The following ST6GAL2 variants were observed in gnomAD, a reference collection of about 807,000 sequenced individuals.
ST6GAL2 encodes ST6 beta-galactoside alpha-2,6-sialyltransferase 2.
ST6GAL2 carries 24 observed loss-of-function variants against 37.5 expected under a neutral mutation model. That is an observed-to-expected ratio of 0.64 (90% CI 0.46 to 0.90). ST6GAL2 has a LOEUF of 0.90. Among genes scored for constraint, ST6GAL2 ranks in the 40% least tolerant of loss-of-function variants. ST6GAL2 has a pLI of 0.00. For synonymous variants in ST6GAL2, 306 were observed against 295.1 expected (o/e 1.04, Z -0.38); for missense variants, 715 against 712.7 (o/e 1.00, Z -0.04).
chr2:106,865,495 C>T (rs1306259637), intron 1 of ST6GAL2, among the ~76,000 whole-genome samples: 1 of 152,220 alleles, frequency 6.6e-6, no homozygotes, highest in Non-Finnish European at 1.5e-5. Context: ...AGAAAGAAAG[C>T]TGTACAGTGC....
At position 106,804,956 on chromosome 2, in the gene ST6GAL2, TTAA is replaced by T. The variant is rs1449883938; in HGVS notation, c.*1719_*1721del. On this transcript the variant is annotated 3_prime_UTR_variant, in exon 6 of 6. Transcript: ENST00000409382. ...AAGTTACCTATCCCTTCTCATTGAC[TTAA>T]TAACAAAACTCTCAAAATGGGCTTT... The T allele has an allele frequency of 6.6e-6, 1 of 152,214 alleles. No homozygotes were observed. The highest frequency in any genetic ancestry group is 1.5e-5 in the Non-Finnish European group (1 of 68,026). 9.4% of individuals were successfully genotyped at this position (152,214 alleles called of 1,614,324 possible).
chr2:106,849,614 T>C (rs1217049696), intron 1 of ST6GAL2, among the ~76,000 whole-genome samples: 1 of 152,238 alleles, frequency 6.6e-6, no homozygotes, highest in Non-Finnish European at 1.5e-5. Flanking sequence ...TTTCCCCTTC[T>C]AGGCCTTTCC....
rs987197129 is a variant in ST6GAL2 at position 106,810,638 on chromosome 2, GA to G, written c.1319-3690del. Among the ~76,000 whole-genome samples the G allele has an allele frequency of 1.6e-4, 24 of 152,260 alleles. 1 individual carries two copies. The highest frequency in any genetic ancestry group is 3.4e-3 in the Middle Eastern group (1 of 294). On this transcript the variant is annotated intron_variant, in intron 5 of 5. Transcript: ENST00000409382. Reference sequence around the variant, plus strand: ...TATGGAGGCATCTTCCAAAAAAAAGGAAAAAAATAATTTAAAACTCACTGTG... The same window carrying G: ...TATGGAGGCATCTTCCAAAAAAAAGGAAAAAATAATTTAAAACTCACTGTG...
intron 5 of ST6GAL2, among the ~76,000 whole-genome samples, chr2:106,829,173 C>G (rs1055058027): frequency 1.3e-5 from 2 of 152,164 alleles, no homozygotes; most frequent in African/African-American, 4.8e-5. Context: ...GCTGCACATT[C>G]CTGGACATGC....
chr2:106,858,493 G>C (rs567539186), intron 1 of ST6GAL2, among the ~76,000 whole-genome samples: 3 of 152,134 alleles, frequency 2.0e-5, no homozygotes, highest in Non-Finnish European at 4.4e-5. Flanking sequence ...GTCAATTCTT[G>C]GCTTTTAAGT....
At position 106,836,278 on chromosome 2, in the gene ST6GAL2, A is replaced by G. The variant is rs891052573; in HGVS notation, c.944-2132T>C. 5.9e-5 allele frequency among the ~76,000 whole-genome samples: 9 copies of G among 152,260 alleles called. No individual in the cohort carries two copies. The East Asian group carries it at 1.7e-3, about 29-fold the overall frequency. The stretch of plus-strand genomic sequence containing the variant: ...TCAACTTGTTGCAATATGTTGTTTT[A>G]TTTGAAGTATATGAAGGCTCAGACA... On this transcript the variant is annotated intron_variant, in intron 2 of 5. Transcript: ENST00000409382.
intron 2 of ST6GAL2, chr2:106,834,720 T>C (rs1316895355): frequency 6.6e-6 from 1 of 152,608 alleles, no homozygotes; most frequent in Non-Finnish European, 1.5e-5. Context: ...AGAAGACCTG[T>C]GTGAGAGCAA....
intron 1 of ST6GAL2, among the ~76,000 whole-genome samples, chr2:106,876,519 A>T (rs1678508606): frequency 6.6e-6 from 1 of 152,230 alleles, no homozygotes; most frequent in Non-Finnish European, 1.5e-5. Context: ...TATTTTGTTT[A>T]AACTTTAAGT....
Position 106,820,809 on chromosome 2 carries a change from G to T in ST6GAL2, c.1318+9257C>A, listed in dbSNP as rs546488543. On this transcript the variant is annotated intron_variant, in intron 5 of 5. Transcript: ENST00000409382. ...CTCTGACTACCATGGAATAAAACTA[G>T]AATTAACAAGAGGAATTTTGGAATT... Among the ~76,000 whole-genome samples the T allele has an allele frequency of 1.6e-3, 247 of 151,966 alleles. 1 individual carries two copies. The highest frequency in any genetic ancestry group is 0.01 in the Middle Eastern group (3 of 294).
At chr2:106,875,943 A>G (rs1678485184) in intron 1 of ST6GAL2, among the ~76,000 whole-genome samples, 1 of 152,182 alleles carries the variant, frequency 6.6e-6, no homozygotes, top group Admixed American at 6.5e-5. Flanking sequence ...TTAAATGCCA[A>G]ATAAAATTAA....
chr2:106,875,008 T>C (rs1678441068), intron 1 of ST6GAL2, among the ~76,000 whole-genome samples: 1 of 152,168 alleles, frequency 6.6e-6, no homozygotes, highest in Admixed American at 6.5e-5. Context: ...TAAGCCAACT[T>C]CTTTGGCTTT....
At chr2:106,875,991 G>A (rs138313739) in intron 1 of ST6GAL2, among the ~76,000 whole-genome samples, 115 of 152,164 alleles carry the variant, frequency 7.6e-4, no homozygotes, top group African/African-American at 2.6e-3. Context: ...AAATAGATGA[G>A]GTCTCGTTCT....
intron 5 of ST6GAL2, among the ~76,000 whole-genome samples, chr2:106,825,509 A>G (rs535593372): frequency 5.9e-5 from 9 of 152,382 alleles, no homozygotes; most frequent in Non-Finnish European, 8.8e-5. Context: ...TCTTTTTAGT[A>G]TCTAACTTTT....
At chr2:106,846,887 G>A (rs1406206639) in intron 1 of ST6GAL2, among the ~76,000 whole-genome samples, 1 of 152,176 alleles carries the variant, frequency 6.6e-6, no homozygotes, top group East Asian at 1.9e-4. Flanking sequence ...AATTAGATAG[G>A]AAATACTGTC....
rs1165771491 is a variant in ST6GAL2 at position 106,853,650 on chromosome 2, AGCT to A, written c.-57-9619_-57-9617del. Among the ~76,000 whole-genome samples the A allele has an allele frequency of 3.9e-5, 6 of 152,288 alleles. No individual in the cohort carries two copies. The East Asian group carries it at 1.2e-3, about 29-fold the overall frequency. On this transcript the variant is annotated intron_variant, in intron 1 of 5. Transcript: ENST00000409382. Reference sequence around the variant, plus strand: ...TGTGAGCTGGGGCTGGACAAGGGTGAGCTGCTCTTAGAAGATGATACCATTATC... The same window carrying A: ...TGTGAGCTGGGGCTGGACAAGGGTGAGCTCTTAGAAGATGATACCATTATC...
intron 5 of ST6GAL2, among the ~76,000 whole-genome samples, chr2:106,808,721 A>G (rs1003368510): frequency 1.3e-5 from 2 of 152,054 alleles, no homozygotes; most frequent in Non-Finnish European, 2.9e-5. Flanking sequence ...GCTCTCAAAC[A>G]TTTTTTCTCC....
At chr2:106,838,005 G>A (rs528953205) in intron 2 of ST6GAL2, among the ~76,000 whole-genome samples, 27 of 152,162 alleles carry the variant, frequency 1.8e-4, no homozygotes, top group Admixed American at 1.2e-3. Flanking sequence ...TGTGAGCAGC[G>A]TGGGGTTGGG....
intron 5 of ST6GAL2, among the ~76,000 whole-genome samples, chr2:106,811,939 G>T (rs144003367): frequency 2.7e-3 from 418 of 152,284 alleles, no homozygotes; most frequent in Non-Finnish European, 4.6e-3. Flanking sequence ...CGAGCTTCAA[G>T]AATCCACTCC....
At position 106,843,892 on chromosome 2, in the gene ST6GAL2, T is replaced by C. The variant is rs118018738; in HGVS notation, c.86A>G (p.Tyr29Cys). ...WGLLFLLIFI[Y>C]FTDSNPAEPV... The stretch of plus-strand genomic sequence containing the variant: ...CTCAGCGGGGTTGCTGTCGGTGAAG[T>C]AGATGAAAATCAGCAAAAAGAGGAG... The change falls in exon 2 of 6, where the codon TAC (tyrosine) becomes TGC (cysteine). Residue 29 changes from tyrosine to cysteine, a missense_variant. Coordinates refer to ENST00000409382, the MANE Select transcript of ST6GAL2 (RefSeq NM_001142351.2). 1.9e-6 allele frequency: 3 copies of C among 1,605,498 alleles called. No homozygotes were observed. The highest frequency in any genetic ancestry group is 2.7e-5 in the African/African-American group (2 of 74,982).
Sources: allele counts gnomAD v4.1 joint callset (sites outside exome capture counted in the v4.1 genomes callset), GRCh38; gene constraint gnomAD v4.1.1; transcripts MANE v1.5; gene names NCBI Gene and HGNC (gene_info 2026-07-23, HGNC 2026-07-21).